Variants in HSPG2 observed in about 807,000 individuals in gnomAD.
HSPG2 encodes the protein basement membrane-specific heparan sulfate proteoglycan core protein.
A neutral mutation model predicts 526.6 loss-of-function variants in HSPG2; 278 were observed. The observed-to-expected ratio is 0.53, with a 90% CI of 0.48 to 0.58. The LOEUF is 0.58. HSPG2 is among the 20% of genes least tolerant of loss of function. The pLI, the probability that HSPG2 is intolerant of heterozygous loss-of-function variation, is 0.00. For missense variants in HSPG2, 5,354 were observed against 6,099.5 expected, an observed-to-expected ratio of 0.88 and a Z score of 4.07; for synonymous variants, 2,465 against 2,555.4, an observed-to-expected ratio of 0.96 and a Z score of 1.07.
At chr1:21,884,071 C>T (rs757542825) in intron 13 of HSPG2, among the ~76,000 whole-genome samples, 4 of 152,186 alleles carry the variant, frequency 2.6e-5, no homozygotes, top group African/African-American at 7.2e-5. Flanking sequence ...ATGACTGTGA[C>T]GTTAGCAAAT....
At chr1:21,862,660 A>C (rs1426281746) in intron 37 of HSPG2, among the ~76,000 whole-genome samples, 3 of 152,128 alleles carry the variant, frequency 2.0e-5, no homozygotes, top group African/African-American at 7.2e-5. Flanking sequence ...TGGATAAATT[A>C]AAAAGTACAT....
At chr1:21,835,451 C>T in intron 76 of HSPG2, 89 bp downstream of exon 76, 1 of 859,164 alleles carries the variant, frequency 1.2e-6, no homozygotes, top group South Asian at 1.4e-5. Flanking sequence ...TAGGGGGATT[C>T]CTAGGGAACA....
chr1:21,896,144 C>T lies in HSPG2; in HGVS notation c.199+31G>A, dbSNP rs776478058. The T allele has an allele frequency of 3.7e-6, 6 of 1,613,876 alleles. No individual in the cohort carries two copies. The South Asian group carries it at 6.6e-5, about 18-fold the overall frequency. On this transcript the variant is annotated intron_variant, in intron 2 of 96. Transcript: ENST00000374695. The stretch of plus-strand genomic sequence containing the variant: ...AGAAGCACAGTCTCACCCCCCACCC[C>T]TCTGCTCCCAGCCTTGGATCCTTGG...
intron 1 of HSPG2, among the ~76,000 whole-genome samples, chr1:21,913,165 A>G (rs1014599853): frequency 6.6e-6 from 1 of 152,066 alleles, no homozygotes; most frequent in Admixed American, 6.6e-5. Flanking sequence ...TCCTTGGGGC[A>G]AGGATTCTCA....
chr1:21,910,728 C>A (rs1192800221), intron 1 of HSPG2, among the ~76,000 whole-genome samples: 1 of 152,158 alleles, frequency 6.6e-6, no homozygotes, highest in African/African-American at 2.4e-5. Context: ...TAGAACCACC[C>A]AGAATGCCAG....
chr1:21,896,208 C>A lies in HSPG2; in HGVS notation c.166G>T (p.Asp56Tyr). 6.2e-7 allele frequency: 1 copy of A among 1,613,976 alleles called. No homozygotes were observed. Among genetic ancestry groups the A allele is most frequent in the Non-Finnish European group, 8.5e-7 (1 of 1,180,004 alleles). The change falls in exon 2 of 97, where the codon GAT becomes TAT. Residue 56 changes from aspartate to tyrosine, a missense_variant. Asp to Tyr is a radical substitution (Grantham distance 160). Coordinates refer to ENST00000374695, the MANE Select transcript of HSPG2 (RefSeq NM_005529.7). ...ATGCTGTCAGCCAGCATGTCCTCAT[C>A]ATCAGAAAGGTACGAATGTGTCCAG... is the stretch of plus-strand genomic sequence containing the variant. ...MRWTHSYLSD[D>Y]EDMLADSISG...
rs536957189 is a variant in HSPG2, at chr1:21,876,371, C to G, written c.2861G>C (p.Ser954Thr). 13 of 1,612,474 alleles carry G rather than the reference C, an allele frequency of 8.1e-6. No homozygotes were observed. The highest frequency in any genetic ancestry group is 1.0e-5 in the Non-Finnish European group (12 of 1,179,406). Residue 954 changes from serine to threonine, a missense_variant, in exon 23 of 97, where the codon AGC becomes ACC. Coordinates refer to ENST00000374695, the MANE Select transcript of HSPG2 (RefSeq NM_005529.7). ...GTGGGTGCTTGCGGCGTTGGTCAGG[C>G]TGAAGTGACCAGGCTCCTCAGAGGC... ...HGASEEPGHF[S>T]LTNAASTHTT... is the part of the protein sequence containing the mutation.
In HSPG2 at chr1:21,852,029, G is replaced by A. The variant is rs541386444; in HGVS notation, c.6870+59C>T. Reference sequence around the variant, plus strand: ...GGAAGTGCCAGCCCCTCAGCCTAGGGGCCAGGATCCTGCAACCCACTGTCC... The same window carrying A: ...GGAAGTGCCAGCCCCTCAGCCTAGGAGCCAGGATCCTGCAACCCACTGTCC... On this transcript the variant is annotated intron_variant, in intron 53 of 96. Coordinates refer to ENST00000374695, the MANE Select transcript of HSPG2 (RefSeq NM_005529.7). The A allele has an allele frequency of 3.7e-6, 6 of 1,611,820 alleles. No individual in the cohort carries two copies. The Admixed American group carries it at 6.7e-5, about 18-fold the overall frequency.
At position 21,855,675 on chromosome 1, in the gene HSPG2, C is replaced by T. The variant is rs754630224; in HGVS notation, c.5702G>A (p.Gly1901Glu). ...CGCAGGGAGCTGGCCGCCGGGGCCC[C>T]CTGACGAGTAGACGTGGGGTCAGCA... is the stretch of plus-strand genomic sequence containing the variant. Reference protein sequence around the residue: ...GSPTPTLEWTGGPGGQLPAKA... With the variant: ...GSPTPTLEWTEGPGGQLPAKA... The change falls in exon 46 of 97, where the codon GGG becomes GAG. Residue 1901 changes from glycine to glutamate, a missense_variant and splice_region_variant. Coordinates refer to ENST00000374695, the MANE Select transcript of HSPG2 (RefSeq NM_005529.7). 1.3e-6 allele frequency: 2 copies of T among 1,578,018 alleles called. No individual in the cohort carries two copies. Among genetic ancestry groups the T allele is most frequent in the South Asian group, 1.1e-5 (1 of 87,420 alleles).
intron 1 of HSPG2, among the ~76,000 whole-genome samples, chr1:21,902,827 C>G (rs1040819983): frequency 6.6e-6 from 1 of 152,244 alleles, no homozygotes; most frequent in Non-Finnish European, 1.5e-5. Flanking sequence ...GCACTCACCA[C>G]GTTGCCTTGG....
chr1:21,919,766 G>A (rs898055085), intron 1 of HSPG2, among the ~76,000 whole-genome samples: 2 of 152,194 alleles, frequency 1.3e-5, no homozygotes, highest in Admixed American at 6.5e-5. Context: ...CCCAGTTGAG[G>A]CCCGGGCTGC....
intron 1 of HSPG2, among the ~76,000 whole-genome samples, chr1:21,932,885 C>G (rs1057185795): frequency 9.9e-5 from 15 of 151,986 alleles, no homozygotes; most frequent in African/African-American, 3.6e-4. Flanking sequence ...GGCAATACAA[C>G]AAGATCCCAT....
Position 21,862,070 on chromosome 1 carries a change from G to T in HSPG2, c.4786C>A (p.Pro1596Thr), listed in dbSNP as rs1323662872. 1 of 1,613,998 alleles carries T rather than the reference G, an allele frequency of 6.2e-7. No homozygotes were observed. The highest frequency in any genetic ancestry group is 8.5e-7 in the Non-Finnish European group (1 of 1,180,030). ...AAGEFCELCA[P>T]GYYGDATAGT... ...GCTGTGGCATCTCCGTAGTAGCCAG[G>T]GGCACAAAGCTCGCAGAACTCCCCT... Residue 1596 changes from proline to threonine, a missense_variant, in exon 38 of 97, where the codon CCT becomes ACT. By Grantham distance (38) the Pro-to-Thr change is conservative. Coordinates refer to ENST00000374695, the MANE Select transcript of HSPG2 (RefSeq NM_005529.7).
chr1:21,825,441 AT>A (rs1179396914), intron 91 of HSPG2, among the ~76,000 whole-genome samples: 1 of 152,140 alleles, frequency 6.6e-6, no homozygotes, highest in Admixed American at 6.5e-5. Context: ...GTGGCAATAA[AT>A]GGTTCAGAGC....
intron 1 of HSPG2, among the ~76,000 whole-genome samples, chr1:21,910,278 A>C (rs1013682809): frequency 3.3e-5 from 5 of 152,124 alleles, no homozygotes; most frequent in African/African-American, 1.2e-4. Context: ...GACCTTCCTG[A>C]AATTGTTCCT....
At chr1:21,835,771 A>T (rs2098024116) in intron 75 of HSPG2, 134 bp from the exon 76 acceptor site, 1 of 661,684 alleles carries the variant, frequency 1.5e-6, no homozygotes, top group East Asian at 3.0e-5. Context: ...ATCACTTGAG[A>T]TCAGGAGCTT....
At position 21,874,413 on chromosome 1, in the gene HSPG2, C is replaced by CAGCAGGGTCTCCGT. The variant is rs1557760761; in HGVS notation, c.3635_3648dup (p.Ala1217ThrfsTer62). 1 of 1,611,388 alleles carries CAGCAGGGTCTCCGT rather than the reference C, an allele frequency of 6.2e-7. No homozygotes were observed. Among genetic ancestry groups the CAGCAGGGTCTCCGT allele is most frequent in the Non-Finnish European group, 8.5e-7 (1 of 1,179,720 alleles). ...GGCAGGGACTGGACGCACTGGCCGG[C>CAGCAGGGTCTCCGT]AGCAGGGTCTCCGTAGCAGGGGCAC... is the stretch of plus-strand genomic sequence containing the variant. On this transcript the variant is annotated frameshift_variant, in exon 28 of 97. Transcript: ENST00000374695. LOFTEE classifies it high-confidence loss of function.
rs1438452402 is a variant in HSPG2, at chr1:21,860,007, G to A, written c.5015-5C>T. On this transcript the variant is annotated splice_polypyrimidine_tract_variant and splice_region_variant and intron_variant, in intron 40 of 96. Transcript: ENST00000374695. ...CCACCAGTGGGGCTTGGTTTGCTGG[G>A]GGTGGGGGCCGGGACAGGAAGGGCC... is the stretch of plus-strand genomic sequence containing the variant. The A allele has an allele frequency of 7.5e-6, 12 of 1,609,818 alleles. No individual in the cohort carries two copies. The highest frequency in any genetic ancestry group is 1.1e-5 in the South Asian group (1 of 90,200).
At chr1:21,908,271 T>A (rs1046453662) in intron 1 of HSPG2, 2 of 1,047,508 alleles carry the variant, frequency 1.9e-6, no homozygotes, top group Admixed American at 1.7e-5. Context: ...AGTGTTACCA[T>A]GGCAAAACTG....
Sources: allele counts gnomAD v4.1 joint callset (sites outside exome capture counted in the v4.1 genomes callset), GRCh38; gene constraint gnomAD v4.1.1; transcripts MANE v1.5; gene names NCBI Gene and HGNC (gene_info 2026-07-23, HGNC 2026-07-21).